Variants in ALKBH4 observed in about 807,000 individuals in gnomAD.
ALKBH4 encodes the protein alpha-ketoglutarate-dependent dioxygenase alkB homolog 4.
Under a neutral mutation model 12.1 loss-of-function variants are expected in ALKBH4, and 8 were observed. That is an observed-to-expected ratio of 0.66 (90% CI 0.39 to 1.19). The LOEUF (loss-of-function observed/expected upper bound fraction) is 1.19. ALKBH4 is among the 50% of genes most tolerant of loss of function. The probability of loss-of-function intolerance (pLI) is 0.01; values close to 1 mark genes in which losing one functional copy is unlikely to be tolerated. For missense variants in ALKBH4, 403 were observed against 430.4 expected, an observed-to-expected ratio of 0.94 and a Z score of 0.56; for synonymous variants, 195 against 191.6, an observed-to-expected ratio of 1.02 and a Z score of -0.15.
rs1797740070 is a variant in ALKBH4 at position 102,459,318 on chromosome 7, G to T, written c.321+286C>A. 5 of 339,936 alleles carry T rather than the reference G, an allele frequency of 1.5e-5. No homozygotes were observed. In the South Asian group the frequency reaches 2.4e-4, roughly 16 times the overall value. 21.1% of individuals were successfully genotyped at this position (339,936 alleles called of 1,614,324 possible). A position where few individuals can be genotyped will look rare whatever the true frequency, so the allele number is the denominator to read the frequency against. On this transcript the variant is annotated intron_variant, in intron 2 of 2. Transcript: ENST00000292566. ...ACAATGGGAGGTGGGGGCGCCTGCA[G>T]CTTGGGAGAATGGGGTGCCTTCACC...
chr7:102,457,638 C>A lies in ALKBH4; in HGVS notation c.665G>T (p.Ser222Ile). The change falls in exon 3 of 3, where the codon AGC (serine) becomes ATC (isoleucine). Residue 222 changes from serine (S) to isoleucine (I), a missense_variant. Ser to Ile is a moderately radical substitution (Grantham distance 142). Coordinates refer to ENST00000292566, the MANE Select transcript of ALKBH4 (RefSeq NM_017621.4). The surrounding 1 kb of genome is among the most constrained non-coding windows in gnomAD (Gnocchi z 5.9). ...CACCTCCTGGCATAGCACCGACCGG[C>A]TGGGTGCTATCACGCTGTCCACCAA... ...EALVDSVIAP[S>I]RSVLCQEVEV... The A allele has an allele frequency of 6.3e-7, 1 of 1,582,032 alleles. No homozygotes were observed. Among genetic ancestry groups the A allele is most frequent in the Non-Finnish European group, 8.5e-7 (1 of 1,170,324 alleles).
At position 102,457,901 on chromosome 7, in the gene ALKBH4, C is replaced by T. The variant is rs755270354; in HGVS notation, c.402G>A (p.Glu134=). 6.2e-7 allele frequency: 1 copy of T among 1,613,386 alleles called. No individual in the cohort carries two copies. Among genetic ancestry groups the T allele is most frequent in the East Asian group, 2.2e-5 (1 of 44,886 alleles). The part of the protein sequence containing the change: ...GFCGLPSFSR[E]VVRRMGLYPG... ...GGTAGAGGCCCATCCTCCGCACCAC[C>T]TCCCGGCTGAAGCTGGGGAGGCCGC... Residue 134 remains glutamate (E), a synonymous_variant, in exon 3 of 3, where the codon GAG becomes GAA. Transcript: ENST00000292566. This position sits in a 1 kb window ranked among gnomAD's most constrained non-coding sequence, Gnocchi z 5.9.
rs1253516540 is a variant in ALKBH4, at chr7:102,464,857, T to C, written c.-21A>G. Reference sequence around the variant, plus strand: ...GCCATCGCGCCGTCCGCGTGGCCAGTGCGCAGGCGCGGCCGTGGGGGCCGC... The same window carrying C: ...GCCATCGCGCCGTCCGCGTGGCCAGCGCGCAGGCGCGGCCGTGGGGGCCGC... On this transcript the variant is annotated 5_prime_UTR_variant, in exon 1 of 3. Transcript: ENST00000292566. 9 of 1,464,028 alleles carry C rather than the reference T, an allele frequency of 6.1e-6. No homozygotes were observed. Among genetic ancestry groups the C allele is most frequent in the African/African-American group, 3.0e-5 (2 of 67,280 alleles). 90.7% of individuals were successfully genotyped at this position (1,464,028 alleles called of 1,614,324 possible). A position where few individuals can be genotyped will look rare whatever the true frequency, so the allele number is the denominator to read the frequency against.
chr7:102,457,356 A>G lies in ALKBH4; in HGVS notation c.*38T>C, dbSNP rs930603494. On this transcript the variant is annotated 3_prime_UTR_variant, in exon 3 of 3. Coordinates refer to ENST00000292566, the MANE Select transcript of ALKBH4 (RefSeq NM_017621.4). This position sits in a 1 kb window ranked among gnomAD's most constrained non-coding sequence, Gnocchi z 5.9. ...GCCCTGTTCTGTGCTCCTCATTTCA[A>G]TCCCGGGATCAGTCAAGTCTGGAGC... is the stretch of plus-strand genomic sequence containing the variant. 7.0e-6 allele frequency: 11 copies of G among 1,573,642 alleles called. No homozygotes were observed. Among genetic ancestry groups the G allele is most frequent in the Non-Finnish European group, 8.7e-6 (10 of 1,154,492 alleles).
intron 1 of ALKBH4, among the ~76,000 whole-genome samples, chr7:102,464,224 C>T (rs1797880191): frequency 6.6e-6 from 1 of 152,160 alleles, no homozygotes; most frequent in Admixed American, 6.5e-5. Flanking sequence ...GACAGAGTCT[C>T]GCTCTGTCGC....
At chr7:102,462,703 T>C (rs1256805949) in intron 1 of ALKBH4, among the ~76,000 whole-genome samples, 1 of 152,136 alleles carries the variant, frequency 6.6e-6, no homozygotes, top group African/African-American at 2.4e-5. Context: ...TTCATTCATA[T>C]TGTTGTACAG....
At chr7:102,460,044 C>T (rs1797758616) in intron 1 of ALKBH4, among the ~76,000 whole-genome samples, 1 of 151,888 alleles carries the variant, frequency 6.6e-6, no homozygotes, top group Admixed American at 6.6e-5. Flanking sequence ...ATCCCAGCTA[C>T]TCAGGAGGCT....
rs1343511804 is a variant in ALKBH4 at position 102,457,514 on chromosome 7, G to T, written c.789C>A (p.Ala263=). 2 of 1,613,104 alleles carry T rather than the reference G, an allele frequency of 1.2e-6. No individual in the cohort carries two copies. Among genetic ancestry groups the T allele is most frequent in the Non-Finnish European group, 1.7e-6 (2 of 1,179,996 alleles). The change falls in exon 3 of 3, where the codon GCC becomes GCA. Residue 263 remains alanine (A), a synonymous_variant. Coordinates refer to ENST00000292566, the MANE Select transcript of ALKBH4 (RefSeq NM_017621.4). This position sits in a 1 kb window ranked among gnomAD's most constrained non-coding sequence, Gnocchi z 5.9. ...CCCGGAAAGTGACGCAGACGCGGCG[G>T]GCCTCGATGTGTCTGCGGTGGATGG... ...KHAIHRRHIE[A]RRVCVTFREL...
chr7:102,461,161 A>AC (rs1797784533), intron 1 of ALKBH4, among the ~76,000 whole-genome samples: 1 of 151,836 alleles, frequency 6.6e-6, no homozygotes, highest in African/African-American at 2.4e-5. Flanking sequence ...ACATGGCAAA[A>AC]CCCCGTCTCT....
At position 102,457,540 on chromosome 7, in the gene ALKBH4, C is replaced by T; in HGVS notation, c.763G>A (p.Ala255Thr). 1 of 1,612,302 alleles carries T rather than the reference C, an allele frequency of 6.2e-7. No individual in the cohort carries two copies. The highest frequency in any genetic ancestry group is 8.5e-7 in the Non-Finnish European group (1 of 1,179,908). ...GCCTCGATGTGTCTGCGGTGGATGG[C>T]ATGCTTCCACTGGTGCCGTGCCGCC... Reference protein sequence around the residue: ...TGAARHQWKHAIHRRHIEARR... With the variant: ...TGAARHQWKHTIHRRHIEARR... The change falls in exon 3 of 3, where the codon GCC becomes ACC. Residue 255 changes from alanine to threonine, a missense_variant. Coordinates refer to ENST00000292566, the MANE Select transcript of ALKBH4 (RefSeq NM_017621.4). This position sits in a 1 kb window ranked among gnomAD's most constrained non-coding sequence, Gnocchi z 5.9.
intron 1 of ALKBH4, among the ~76,000 whole-genome samples, chr7:102,463,703 G>A (rs959175185): frequency 6.6e-6 from 1 of 152,110 alleles, no homozygotes; most frequent in African/African-American, 2.4e-5. Flanking sequence ...TATGAACATG[G>A]GTGTGCAAAT....
chr7:102,459,542 C>T (rs1797744038), intron 2 of ALKBH4, 62 bp downstream of exon 2: 2 of 1,533,486 alleles, frequency 1.3e-6, no homozygotes, highest in African/African-American at 2.8e-5. Context: ...GGATGGCCCC[C>T]AGCAGTAGGG....
At position 102,456,957 on chromosome 7, in the gene ALKBH4, T is replaced by C. The variant is rs1436616392; in HGVS notation, c.*437A>G. 6.5e-6 allele frequency: 1 copy of C among 153,828 alleles called. No individual in the cohort carries two copies. The highest frequency in any genetic ancestry group is 1.4e-5 in the Non-Finnish European group (1 of 69,550). The allele number at this position is 153,828 out of a possible 1,614,324, so 9.5% of individuals were successfully genotyped here. On this transcript the variant is annotated 3_prime_UTR_variant, in exon 3 of 3. Transcript: ENST00000292566. ...AATTCTCCCACCTTAGCCTCCCGAGTAGCTGGGATTACGGCTGTGAGTCAC... is the reference window on the plus strand; with the variant it reads ...AATTCTCCCACCTTAGCCTCCCGAGCAGCTGGGATTACGGCTGTGAGTCAC...
Position 102,464,822 on chromosome 7 carries a change from GGCAGCCGCC to G in ALKBH4, c.6_14del (p.Ala4_Ala6del), listed in dbSNP as rs1797902162. On this transcript the variant is annotated inframe_deletion, in exon 1 of 3. Transcript: ENST00000292566. ...CCCGAAGGACTTCGGGGGTCTCGGC[GGCAGCCGCC>G]GCCATCGCGCCGTCCGCGTGGCCAG... 1 of 1,527,966 alleles carries G rather than the reference GGCAGCCGCC, an allele frequency of 6.5e-7. No homozygotes were observed. The highest frequency in any genetic ancestry group is 2.7e-5 in the East Asian group (1 of 36,758). 94.7% of individuals were successfully genotyped at this position (1,527,966 alleles called of 1,614,324 possible).
chr7:102,457,996 CAA>C lies in ALKBH4; in HGVS notation c.322-17_322-16del. 6.3e-7 allele frequency: 1 copy of C among 1,585,844 alleles called. No homozygotes were observed. Among genetic ancestry groups the C allele is most frequent in the East Asian group, 2.3e-5 (1 of 44,440 alleles). On this transcript the variant is annotated splice_polypyrimidine_tract_variant and intron_variant, in intron 2 of 2. Coordinates refer to ENST00000292566, the MANE Select transcript of ALKBH4 (RefSeq NM_017621.4). This position sits in a 1 kb window ranked among gnomAD's most constrained non-coding sequence, Gnocchi z 5.9. ...GGGCCATAGTCCTGAAGGATGAAGA[CAA>C]AGAGGACATGAGGTGTCTGAGTTTA...
rs1797674233 is a variant in ALKBH4, at chr7:102,457,237, C to T, written c.*157G>A. On this transcript the variant is annotated 3_prime_UTR_variant, in exon 3 of 3. Transcript: ENST00000292566. This position sits in a 1 kb window ranked among gnomAD's most constrained non-coding sequence, Gnocchi z 5.9. ...GGTGGAAGGGGGCTGCCTGGAGGTA[C>T]GTTCCCATCAAAACCTGCTCCTGGG... is the stretch of plus-strand genomic sequence containing the variant. 1.1e-5 allele frequency: 9 copies of T among 810,028 alleles called. No individual in the cohort carries two copies. The highest frequency in any genetic ancestry group is 1.5e-5 in the Non-Finnish European group (8 of 526,336). 50.2% of individuals were successfully genotyped at this position (810,028 alleles called of 1,614,324 possible).
intron 2 of ALKBH4, 67 bp from the exon 3 acceptor site, chr7:102,458,048 TG>T: frequency 6.9e-7 from 1 of 1,459,148 alleles, no homozygotes; most frequent in African/African-American, 1.4e-5. Flanking sequence ...ACAGACTAGG[TG>T]GGAAGAATTC....
intron 2 of ALKBH4, among the ~76,000 whole-genome samples, chr7:102,458,394 A>C (rs1481078776): frequency 6.6e-6 from 1 of 152,028 alleles, no homozygotes; most frequent in African/African-American, 2.4e-5. Flanking sequence ...ACACAGCAAA[A>C]CTCTGTCTCT....
At chr7:102,464,130 G>A (rs1481409440) in intron 1 of ALKBH4, among the ~76,000 whole-genome samples, 1 of 151,876 alleles carries the variant, frequency 6.6e-6, no homozygotes, top group African/African-American at 2.4e-5. Context: ...GGGTTGGAAT[G>A]CCCTTGCAAC....
Sources: allele counts gnomAD v4.1 joint callset (sites outside exome capture counted in the v4.1 genomes callset), GRCh38; gene constraint gnomAD v4.1.1; non-coding constraint Gnocchi (gnomAD v3.1); transcripts MANE v1.5; gene names NCBI Gene and HGNC (gene_info 2026-07-23, HGNC 2026-07-21).